The following BMERB1 variants were observed in gnomAD, a reference collection of about 807,000 sequenced individuals.
BMERB1 encodes the protein bMERB domain-containing protein 1.
BMERB1 carries 12 observed loss-of-function variants against 23.6 expected under a neutral mutation model. The observed-to-expected ratio is 0.51, with a 90% confidence interval of 0.33 to 0.82. The LOEUF (loss-of-function observed/expected upper bound fraction) is 0.82. Ranked by LOEUF, BMERB1 falls within the 40% of genes least tolerant of loss-of-function variation. The pLI, the probability that BMERB1 is intolerant of heterozygous loss-of-function variation, is 0.03. For synonymous variants in BMERB1, 122 were observed against 96.6 expected (o/e 1.26, Z -1.54); for missense variants, 247 against 255.4 (o/e 0.97, Z 0.22).
chr16:15,481,590 G>A (rs910715501), intron 1 of BMERB1, among the ~76,000 whole-genome samples: 1 of 152,002 alleles, frequency 6.6e-6, no homozygotes, highest in Non-Finnish European at 1.5e-5. Flanking sequence ...TCTGAGAAGA[G>A]GAGTGGGATT....
rs1027612278 is a variant in BMERB1, at chr16:15,496,986, T to C, written c.107-18319T>C. ...GCTTTGAACATGAAGCAAGGGGCCA[T>C]AAGCCAAGGAATGTAGGTGGCCAAG... On this transcript the variant is annotated intron_variant, in intron 1 of 5. Transcript: ENST00000300006. Among the ~76,000 whole-genome samples, 5 of 152,136 alleles carry C rather than the reference T, an allele frequency of 3.3e-5. No individual in the cohort carries two copies. In the East Asian group the frequency reaches 9.6e-4, roughly 29 times the overall value.
intron 1 of BMERB1, among the ~76,000 whole-genome samples, chr16:15,499,207 G>C (rs372172333): frequency 5.9e-5 from 9 of 152,068 alleles, no homozygotes; most frequent in African/African-American, 2.2e-4. Context: ...GGCCCAGCCT[G>C]GCCAACATGG....
chr16:15,583,048 C>A, intron 4 of BMERB1, 108 bp from the exon 5 acceptor site: 1 of 821,068 alleles, frequency 1.2e-6, no homozygotes, highest in Non-Finnish European at 2.1e-6. Flanking sequence ...ACATACATGC[C>A]CCATCCACAA....
At chr16:15,522,780 A>G (rs1221191156) in intron 2 of BMERB1, among the ~76,000 whole-genome samples, 1 of 152,038 alleles carries the variant, frequency 6.6e-6, no homozygotes, top group Non-Finnish European at 1.5e-5. Context: ...GACCATAGAG[A>G]TGGGCCAGTT....
At chr16:15,549,785 A>G (rs1451151855) in intron 2 of BMERB1, among the ~76,000 whole-genome samples, 2 of 152,144 alleles carry the variant, frequency 1.3e-5, no homozygotes, top group Non-Finnish European at 2.9e-5. Context: ...TAGGGAGTCC[A>G]TGGTTTTTAG....
At chr16:15,489,839 T>A (rs2150938698) in intron 1 of BMERB1, among the ~76,000 whole-genome samples, 1 of 152,244 alleles carries the variant, frequency 6.6e-6, no homozygotes, top group African/African-American at 2.4e-5. Context: ...ACCCCAGTTT[T>A]CTTTTATTTT....
chr16:15,568,146 C>T (rs927496644), intron 3 of BMERB1, 90 bp downstream of exon 3: 19 of 1,118,318 alleles, frequency 1.7e-5, no homozygotes, highest in Non-Finnish European at 2.5e-5. Flanking sequence ...GAAGACAGAG[C>T]CTCATTCTTG....
intron 1 of BMERB1, among the ~76,000 whole-genome samples, chr16:15,460,768 C>CTGG (rs2051127340): frequency 6.6e-6 from 1 of 152,070 alleles, no homozygotes; most frequent in Admixed American, 6.6e-5. Flanking sequence ...AATTTGTGGG[C>CTGG]TGGTAAAGGA....
At chr16:15,468,443 C>T (rs2051202716) in intron 1 of BMERB1, among the ~76,000 whole-genome samples, 2 of 152,038 alleles carry the variant, frequency 1.3e-5, no homozygotes, top group African/African-American at 4.8e-5. Flanking sequence ...CCACACCTGA[C>T]CTGATTGTAA....
At chr16:15,514,876 C>T (rs1350279035) in intron 1 of BMERB1, among the ~76,000 whole-genome samples, 2 of 152,078 alleles carry the variant, frequency 1.3e-5, no homozygotes, top group African/African-American at 4.8e-5. Context: ...GTCAGGAGAT[C>T]GAGACCATCC....
chr16:15,505,922 A>G (rs575861895), intron 1 of BMERB1, among the ~76,000 whole-genome samples: 3 of 151,850 alleles, frequency 2.0e-5, no homozygotes, highest in South Asian at 4.2e-4. Flanking sequence ...GTCATGACAT[A>G]CTGAGTGGTA....
intron 3 of BMERB1, among the ~76,000 whole-genome samples, chr16:15,575,408 T>C (rs2030832954): frequency 6.6e-6 from 1 of 152,270 alleles, no homozygotes; most frequent in Admixed American, 6.5e-5. Flanking sequence ...AAGTTGCTTA[T>C]TGACTTTTCA....
At chr16:15,471,004 T>C (rs913472244) in intron 1 of BMERB1, among the ~76,000 whole-genome samples, 2 of 150,902 alleles carry the variant, frequency 1.3e-5, no homozygotes, top group Admixed American at 6.6e-5. Context: ...GCCCAGCTAA[T>C]TTTTTGTATT....
intron 1 of BMERB1, among the ~76,000 whole-genome samples, chr16:15,444,829 C>T (rs1297683816): frequency 6.6e-6 from 1 of 152,134 alleles, no homozygotes; most frequent in Non-Finnish European, 1.5e-5. Flanking sequence ...TTTCCCCCAC[C>T]TCAATCTTTT....
chr16:15,511,616 A>G (rs1430707483), intron 1 of BMERB1, among the ~76,000 whole-genome samples: 2 of 152,184 alleles, frequency 1.3e-5, no homozygotes, highest in Non-Finnish European at 2.9e-5. Context: ...CAAAGAGGAG[A>G]AAATCTTCAA....
At position 15,465,505 on chromosome 16, in the gene BMERB1, A is replaced by G. The variant is rs77887144; in HGVS notation, c.106+30746A>G. Reference sequence around the variant, plus strand: ...GTAGCTGGGATTACAGGCACCCACCACCATTCCAGGCCAATTTTTGTATTT... The same window carrying G: ...GTAGCTGGGATTACAGGCACCCACCGCCATTCCAGGCCAATTTTTGTATTT... On this transcript the variant is annotated intron_variant, in intron 1 of 5. Transcript: ENST00000300006. 8.4e-4 allele frequency among the ~76,000 whole-genome samples: 127 copies of G among 151,826 alleles called. 5 individuals carry two copies. The East Asian group carries it at 0.013, about 16-fold the overall frequency.
At chr16:15,451,007 AACT>A (rs2051036789) in intron 1 of BMERB1, among the ~76,000 whole-genome samples, 2 of 152,188 alleles carry the variant, frequency 1.3e-5, no homozygotes, top group Admixed American at 1.3e-4. Context: ...AACTTTGGAA[AACT>A]CAGAGGTTTT....
chr16:15,510,329 G>T (rs1333277069), intron 1 of BMERB1, among the ~76,000 whole-genome samples: 1 of 152,116 alleles, frequency 6.6e-6, no homozygotes, highest in Admixed American at 6.5e-5. Context: ...TGAATTTGAA[G>T]CCAGACCTGG....
chr16:15,517,128 T>G (rs946042840), intron 2 of BMERB1, among the ~76,000 whole-genome samples: 1 of 152,250 alleles, frequency 6.6e-6, no homozygotes, highest in African/African-American at 2.4e-5. Context: ...ACTTCATGGC[T>G]AAGAAATATC....
Sources: allele counts gnomAD v4.1 joint callset (sites outside exome capture counted in the v4.1 genomes callset), GRCh38; gene constraint gnomAD v4.1.1; transcripts MANE v1.5; gene names NCBI Gene and HGNC (gene_info 2026-07-23, HGNC 2026-07-21).